Variants in XKR4 observed in about 807,000 individuals in gnomAD.
XKR4 encodes XK-related protein 4.
Under a neutral mutation model 53.9 loss-of-function variants are expected in XKR4, and 12 were observed. The observed-to-expected ratio is 0.22, with a 90% CI of 0.14 to 0.36. The LOEUF (loss-of-function observed/expected upper bound fraction) is 0.36. Ranked by LOEUF, XKR4 falls within the 10% of genes least tolerant of loss-of-function variation. XKR4 has a pLI of 1.00. For missense variants in XKR4, 799 were observed against 859.5 expected, an observed-to-expected ratio of 0.93 and a Z score of 0.88; for synonymous variants, 354 against 362.4, an observed-to-expected ratio of 0.98 and a Z score of 0.26.
chr8:55,301,394 G>A (rs9657056), intron 1 of XKR4, among the ~76,000 whole-genome samples: 96,960 of 151,512 alleles, frequency 0.64, 33,228 homozygotes, highest in African/African-American at 0.89. Flanking sequence ...CCAGTATATC[G>A]TTGTTGGACA....
At chr8:55,130,386 G>T (rs1392923998) in intron 1 of XKR4, among the ~76,000 whole-genome samples, 3 of 152,198 alleles carry the variant, frequency 2.0e-5, no homozygotes, top group African/African-American at 7.2e-5. Flanking sequence ...AGCATTCCAG[G>T]TAGCAGTAAC....
intron 1 of XKR4, among the ~76,000 whole-genome samples, chr8:55,322,822 T>G (rs1332507546): frequency 6.6e-6 from 1 of 152,202 alleles, no homozygotes; most frequent in East Asian, 1.9e-4. Context: ...TGTTGTAATA[T>G]AGGAACAATC....
At chr8:55,180,749 C>G (rs975591012) in intron 1 of XKR4, among the ~76,000 whole-genome samples, 3 of 151,964 alleles carry the variant, frequency 2.0e-5, no homozygotes, top group Admixed American at 2.0e-4. Context: ...GCCAGGCTGG[C>G]CTTGAACTCC....
chr8:55,205,183 G>A (rs974279360), intron 1 of XKR4, among the ~76,000 whole-genome samples: 14 of 152,182 alleles, frequency 9.2e-5, no homozygotes, highest in African/African-American at 3.4e-4. Flanking sequence ...TTGAGTAAAG[G>A]AGATGGTTAT....
intron 1 of XKR4, among the ~76,000 whole-genome samples, chr8:55,280,294 G>A (rs1470330389): frequency 1.3e-5 from 2 of 152,148 alleles, no homozygotes; most frequent in Non-Finnish European, 2.9e-5. Context: ...GGCGCCCACT[G>A]AGCCATCAGA....
chr8:55,463,907 T>C (rs953634831), intron 2 of XKR4, among the ~76,000 whole-genome samples: 17 of 151,826 alleles, frequency 1.1e-4, no homozygotes, highest in Non-Finnish European at 2.2e-4. Flanking sequence ...ACACATACAC[T>C]CTCCCAAGAC....
intron 1 of XKR4, among the ~76,000 whole-genome samples, chr8:55,350,169 TG>T (rs1803705803): frequency 6.6e-6 from 1 of 152,236 alleles, no homozygotes; most frequent in South Asian, 2.1e-4. Flanking sequence ...AACCATTTTT[TG>T]TACTATAAAT....
At chr8:55,175,124 A>G (rs113671116) in intron 1 of XKR4, among the ~76,000 whole-genome samples, 1 of 152,244 alleles carries the variant, frequency 6.6e-6, no homozygotes, top group Admixed American at 6.5e-5. Flanking sequence ...ACACCCAAAG[A>G]CAGCATTTTG....
chr8:55,118,378 T>C (rs1304573703), intron 1 of XKR4, among the ~76,000 whole-genome samples: 1 of 152,210 alleles, frequency 6.6e-6, no homozygotes, highest in Non-Finnish European at 1.5e-5. Flanking sequence ...ACCCCACATA[T>C]GTTCATGAAT....
At position 55,528,113 on chromosome 8, in the gene XKR4, TAA is replaced by T. The variant is rs1227512172; in HGVS notation, c.*3888_*3889del. 1 of 152,202 alleles carries T rather than the reference TAA, an allele frequency of 6.6e-6. No individual in the cohort carries two copies. Among genetic ancestry groups the T allele is most frequent in the Non-Finnish European group, 1.5e-5 (1 of 68,024 alleles). 9.4% of individuals were successfully genotyped at this position (152,202 alleles called of 1,614,324 possible). On this transcript the variant is annotated 3_prime_UTR_variant, in exon 3 of 3. Transcript: ENST00000327381. The stretch of plus-strand genomic sequence containing the variant: ...GTATGTTATGCATATAAATTGTACA[TAA>T]ACTTTTTAGAAAAGAAGCATTTTCC...
intron 1 of XKR4, among the ~76,000 whole-genome samples, chr8:55,179,006 T>C (rs1463854892): frequency 6.6e-6 from 1 of 152,090 alleles, no homozygotes; most frequent in Non-Finnish European, 1.5e-5. Flanking sequence ...GAAATATGAA[T>C]GATAGTGAGA....
chr8:55,414,833 C>T (rs974960266), intron 2 of XKR4, among the ~76,000 whole-genome samples: 2 of 152,154 alleles, frequency 1.3e-5, no homozygotes, highest in Non-Finnish European at 2.9e-5. Flanking sequence ...TGCTGTGTGT[C>T]TCTTCCTCTG....
At chr8:55,378,078 C>T (rs1804176193) in intron 2 of XKR4, among the ~76,000 whole-genome samples, 1 of 152,142 alleles carries the variant, frequency 6.6e-6, no homozygotes, top group South Asian at 2.1e-4. Context: ...TGTTTGTCCC[C>T]ATGAACAGTG....
intron 1 of XKR4, among the ~76,000 whole-genome samples, chr8:55,132,827 C>G (rs188198761): frequency 6.6e-6 from 1 of 152,110 alleles, no homozygotes; most frequent in East Asian, 1.9e-4. Flanking sequence ...AATGGGCGTC[C>G]GAGGCCCAGG....
intron 1 of XKR4, among the ~76,000 whole-genome samples, chr8:55,267,041 A>G (rs893306463): frequency 2.6e-5 from 4 of 152,168 alleles, no homozygotes; most frequent in Non-Finnish European, 4.4e-5. Context: ...GGAACAAGAA[A>G]GATGGAGAAA....
intron 1 of XKR4, among the ~76,000 whole-genome samples, chr8:55,177,485 G>A (rs115831143): frequency 3.3e-5 from 5 of 152,324 alleles, no homozygotes; most frequent in African/African-American, 1.2e-4. Flanking sequence ...GAAGAGGATT[G>A]TGTGCCCACC....
At position 55,459,108 on chromosome 8, in the gene XKR4, C is replaced by T. The variant is rs1051671773; in HGVS notation, c.1007-64173C>T. Among the ~76,000 whole-genome samples, 3 of 152,118 alleles carry T rather than the reference C, an allele frequency of 2.0e-5. No homozygotes were observed. In the South Asian group the frequency reaches 6.2e-4, roughly 32 times the overall value. ...AAATCAAAGGAACAGAATATAGAGTCCAGAAATAAACTCTTACCTTTATGG... is the reference window on the plus strand; with the variant it reads ...AAATCAAAGGAACAGAATATAGAGTTCAGAAATAAACTCTTACCTTTATGG... On this transcript the variant is annotated intron_variant, in intron 2 of 2. Coordinates refer to ENST00000327381, the MANE Select transcript of XKR4 (RefSeq NM_052898.2).
chr8:55,221,090 A>G (rs1817875301), intron 1 of XKR4, among the ~76,000 whole-genome samples: 1 of 152,142 alleles, frequency 6.6e-6, no homozygotes. Flanking sequence ...ATTTGATTTG[A>G]GTGGCCTTGG....
intron 1 of XKR4, among the ~76,000 whole-genome samples, chr8:55,245,915 C>A (rs966946526): frequency 6.6e-6 from 1 of 152,078 alleles, no homozygotes; most frequent in Non-Finnish European, 1.5e-5. Flanking sequence ...GGCAACATGG[C>A]AAAACCCTGT....
Sources: gnomAD v4.1 joint callset for allele counts (sites outside exome capture counted in the v4.1 genomes callset) on GRCh38, gnomAD v4.1.1 for gene constraint, MANE v1.5 for transcripts, NCBI Gene and HGNC (gene_info 2026-07-23, HGNC 2026-07-21) for gene names.